The following PPARGC1A variants were observed in gnomAD, a reference collection of about 807,000 sequenced individuals.
PPARGC1A encodes the protein peroxisome proliferator-activated receptor gamma coactivator 1-alpha.
A neutral mutation model predicts 88.7 loss-of-function variants in PPARGC1A; 25 were observed. The observed-to-expected ratio is 0.28, with a 90% CI of 0.21 to 0.39. PPARGC1A has a LOEUF of 0.39. PPARGC1A is among the 10% of genes least tolerant of loss of function. The pLI is 1.00. For missense variants in PPARGC1A, 880 were observed against 968.7 expected (o/e 0.91, Z 1.22); for synonymous variants, 363 against 355.6 (o/e 1.02, Z -0.24).
At chr4:24,288,180 T>C in the PPARGC1A span, among the ~76,000 whole-genome samples, 1 of 152,204 alleles carries the variant, frequency 6.6e-6, no homozygotes, top group Admixed American at 6.5e-5. Context: ...CTGTGCAATT[T>C]ACCAACAACC....
chr4:24,463,398 G>C, the PPARGC1A span, among the ~76,000 whole-genome samples: 5 of 152,156 alleles, frequency 3.3e-5, no homozygotes, highest in Non-Finnish European at 1.5e-5. Flanking sequence ...AAAATTAAGA[G>C]GTTTAGCAAG....
chr4:24,216,493 C>T, the PPARGC1A span, among the ~76,000 whole-genome samples: 7 of 152,270 alleles, frequency 4.6e-5, no homozygotes, highest in East Asian at 1.9e-4. Flanking sequence ...CCGGAGCTGA[C>T]GTACTCAAAA....
chr4:23,817,307 G>A lies in PPARGC1A; in HGVS notation c.878-2702C>T, dbSNP rs75690479. On this transcript the variant is annotated intron_variant, in intron 7 of 12. Coordinates refer to ENST00000264867, the MANE Select transcript of PPARGC1A (RefSeq NM_013261.5). Reference sequence around the variant, plus strand: ...GGTTCTCAAGTTGCTCTGGGGAGTGGCGACACCTTGATTGTACTTTCTTTG... The same window carrying A: ...GGTTCTCAAGTTGCTCTGGGGAGTGACGACACCTTGATTGTACTTTCTTTG... Among the ~76,000 whole-genome samples, 581 of 152,026 alleles carry A rather than the reference G, an allele frequency of 3.8e-3. 4 individuals carry two copies. The highest frequency in any genetic ancestry group is 0.013 in the African/African-American group (540 of 41,456).
At chr4:24,385,227 G>A in the PPARGC1A span, among the ~76,000 whole-genome samples, 1 of 152,050 alleles carries the variant, frequency 6.6e-6, no homozygotes, top group Non-Finnish European at 1.5e-5. Context: ...AGAATCTCTG[G>A]GGCACCGCTA....
At chr4:24,297,877 G>A in the PPARGC1A span, among the ~76,000 whole-genome samples, 1 of 152,130 alleles carries the variant, frequency 6.6e-6, no homozygotes, top group African/African-American at 2.4e-5. Flanking sequence ...CGGGTTTTTT[G>A]TTGCAAGCAA....
At chr4:23,973,645 A>T in the PPARGC1A span, among the ~76,000 whole-genome samples, 1 of 152,212 alleles carries the variant, frequency 6.6e-6, no homozygotes, top group Non-Finnish European at 1.5e-5. Context: ...CAAATTTCAC[A>T]CTCAATTTAT....
intron 12 of PPARGC1A, among the ~76,000 whole-genome samples, 171 bp from the exon 13 acceptor site, chr4:23,796,096 A>G (rs1021632409): frequency 6.6e-6 from 1 of 152,084 alleles, no homozygotes; most frequent in Non-Finnish European, 1.5e-5. Flanking sequence ...GAGGATGGGG[A>G]GTAGTGAGCT....
chr4:24,433,618 T>G, the PPARGC1A span, among the ~76,000 whole-genome samples: 2 of 152,168 alleles, frequency 1.3e-5, no homozygotes, highest in African/African-American at 2.4e-5. Context: ...AGATAACGAC[T>G]TTCCTCTCCT....
At chr4:24,117,472 C>G in the PPARGC1A span, among the ~76,000 whole-genome samples, 1 of 151,714 alleles carries the variant, frequency 6.6e-6, no homozygotes, top group Non-Finnish European at 1.5e-5. Flanking sequence ...AAACTTCTGC[C>G]CTTTTTTTCT....
rs765593598 is a variant in PPARGC1A at position 23,824,295 on chromosome 4, G to C, written c.862C>G (p.Leu288Val). 5.0e-6 allele frequency: 8 copies of C among 1,613,400 alleles called. No individual in the cohort carries two copies. The highest frequency in any genetic ancestry group is 6.8e-6 in the Non-Finnish European group (8 of 1,179,550). Residue 288 changes from leucine to valine, a missense_variant, in exon 7 of 13, where the codon CTC (leucine) becomes GTC (valine). Leu to Val is a conservative substitution (Grantham distance 32). Transcript: ENST00000264867. ...TAAGGCTTACCTGCAGTTCCAGAGA[G>C]TTCCACACTTAAGGTGCGTTCAATA... Reference protein sequence around the residue: ...KTIERTLSVELSGTAGLTPPT... With the variant: ...KTIERTLSVEVSGTAGLTPPT...
the PPARGC1A span, among the ~76,000 whole-genome samples, chr4:24,045,538 G>A: frequency 5.9e-5 from 9 of 152,196 alleles, no homozygotes; most frequent in Admixed American, 4.6e-4. Flanking sequence ...CTAGCTTCTG[G>A]TGGTTGCCAG....
chr4:23,850,845 GCTGGTTCCCC>G (rs1441202240), intron 2 of PPARGC1A, among the ~76,000 whole-genome samples: 1 of 152,178 alleles, frequency 6.6e-6, no homozygotes, highest in East Asian at 1.9e-4. Flanking sequence ...GAATTCAAAT[GCTGGTTCCCC>G]TCTTTTCAGT....
At chr4:24,040,248 T>C in the PPARGC1A span, among the ~76,000 whole-genome samples, 1 of 152,200 alleles carries the variant, frequency 6.6e-6, no homozygotes, top group African/African-American at 2.4e-5. Flanking sequence ...ACATCTTCCA[T>C]CTTAGCCCTG....
At chr4:23,958,517 A>G in the PPARGC1A span, among the ~76,000 whole-genome samples, 1 of 152,148 alleles carries the variant, frequency 6.6e-6, no homozygotes, top group Non-Finnish European at 1.5e-5. Context: ...ATGTAAATAC[A>G]TCTGTATTAA....
rs981541841 is a variant in PPARGC1A, at chr4:23,795,049, A to G, written c.*773T>C. The G allele has an allele frequency of 4.0e-5, 6 of 149,430 alleles. No homozygotes were observed. The highest frequency in any genetic ancestry group is 1.2e-4 in the African/African-American group (5 of 40,258). 9.3% of individuals were successfully genotyped at this position (149,430 alleles called of 1,614,324 possible). A position where few individuals can be genotyped will look rare whatever the true frequency, so the allele number is the denominator to read the frequency against. ...TTCCATGGCAAAAGGAAAAAGAAAA[A>G]AAAAAGAGAGAGAGAGAGAGAGAGA... On this transcript the variant is annotated 3_prime_UTR_variant, in exon 13 of 13. Coordinates refer to ENST00000264867, the MANE Select transcript of PPARGC1A (RefSeq NM_013261.5).
At chr4:24,052,451 A>G in the PPARGC1A span, among the ~76,000 whole-genome samples, 1 of 152,022 alleles carries the variant, frequency 6.6e-6, no homozygotes, top group Non-Finnish European at 1.5e-5. Context: ...AGCCTGGCCA[A>G]CATGGTGAAT....
At chr4:24,470,277 G>GACACAGACACACACAC in the PPARGC1A span, among the ~76,000 whole-genome samples, 24 of 110,746 alleles carry the variant, frequency 2.2e-4, no homozygotes, top group Middle Eastern at 5.2e-3. This position sits in a 1 kb window ranked among gnomAD's most constrained non-coding sequence, Gnocchi z 5.8. Context: ...GACAGACACA[G>GACACAGACACACACAC]ACACACACAC....
At chr4:23,831,016 T>G (rs1315916880) in intron 3 of PPARGC1A, among the ~76,000 whole-genome samples, 1 of 152,170 alleles carries the variant, frequency 6.6e-6, no homozygotes, top group Admixed American at 6.5e-5. Flanking sequence ...AATGCTAATA[T>G]GTTAATTATT....
chr4:24,160,328 A>G, the PPARGC1A span, among the ~76,000 whole-genome samples: 1 of 152,226 alleles, frequency 6.6e-6, no homozygotes, highest in Non-Finnish European at 1.5e-5. Flanking sequence ...GTGCAAATAT[A>G]TGTGGAGTAT....
Sources: allele counts gnomAD v4.1 joint callset (sites outside exome capture counted in the v4.1 genomes callset), GRCh38; gene constraint gnomAD v4.1.1; non-coding constraint Gnocchi (gnomAD v3.1); transcripts MANE v1.5; gene names NCBI Gene and HGNC (gene_info 2026-07-23, HGNC 2026-07-21).